Variants in BCR observed in about 807,000 individuals in gnomAD.
BCR encodes breakpoint cluster region protein.
BCR carries 58 observed loss-of-function variants against 138.6 expected under a neutral mutation model. The ratio of observed to expected loss-of-function variants is 0.42; its 90% CI spans 0.34 to 0.52. The LOEUF is 0.52. BCR is among the 20% of genes least tolerant of loss of function. BCR has a pLI of 0.06. For missense variants in BCR, 1,599 were observed against 1,727.2 expected (o/e 0.93, Z 1.32); for synonymous variants, 786 against 730.1 (o/e 1.08, Z -1.23).
intron 1 of BCR, among the ~76,000 whole-genome samples, chr22:23,193,786 G>A (rs1271090091): frequency 6.6e-6 from 1 of 152,230 alleles, no homozygotes; most frequent in Non-Finnish European, 1.5e-5. Flanking sequence ...TCTCACAGGG[G>A]TCCCTGTGGA....
At chr22:23,233,141 G>T (rs1044264270) in intron 1 of BCR, among the ~76,000 whole-genome samples, 4 of 152,190 alleles carry the variant, frequency 2.6e-5, no homozygotes, top group Non-Finnish European at 5.9e-5. Context: ...GGCATCTCCA[G>T]GCAGAGCCTA....
At chr22:23,306,544 G>C (rs1479406825) in intron 16 of BCR, among the ~76,000 whole-genome samples, 1 of 152,242 alleles carries the variant, frequency 6.6e-6, no homozygotes, top group African/African-American at 2.4e-5. Flanking sequence ...AGGAAGCTCA[G>C]CTTTTCTGGG....
chr22:23,252,847 C>T (rs1463513275), intron 1 of BCR, among the ~76,000 whole-genome samples: 1 of 152,204 alleles, frequency 6.6e-6, no homozygotes, highest in Non-Finnish European at 1.5e-5. Flanking sequence ...GTTTTTCCCA[C>T]ACCAAGCAGT....
intron 8 of BCR, among the ~76,000 whole-genome samples, chr22:23,277,496 C>T (rs1485919634): frequency 6.6e-6 from 1 of 152,124 alleles, no homozygotes; most frequent in Non-Finnish European, 1.5e-5. Context: ...TTTAGCTCCG[C>T]ACACTACCCC....
At chr22:23,225,480 C>T (rs1420664800) in intron 1 of BCR, among the ~76,000 whole-genome samples, 8 of 152,176 alleles carry the variant, frequency 5.3e-5, no homozygotes, top group Admixed American at 3.9e-4. Flanking sequence ...GGCTCTTGCA[C>T]GGGGACCTGG....
chr22:23,256,682 C>A (rs1318937449), intron 2 of BCR, among the ~76,000 whole-genome samples: 1 of 152,166 alleles, frequency 6.6e-6, no homozygotes, highest in East Asian at 1.9e-4. Context: ...CTGGGCTCCC[C>A]CAGATTAGGG....
chr22:23,199,315 C>A (rs576620327), intron 1 of BCR: 3 of 518,644 alleles, frequency 5.8e-6, no homozygotes, highest in African/African-American at 3.9e-5. Context: ...GACTGGGTCC[C>A]GCCATGCCTG....
rs201305382 is a variant in BCR at position 23,310,383 on chromosome 22, G to A, written c.3132G>A (p.Pro1044=). 673 of 1,447,964 alleles carry A rather than the reference G, an allele frequency of 4.6e-4. 1 individual carries two copies. The African/African-American group carries it at 6.3e-3, about 13-fold the overall frequency. The allele number at this position is 1,447,964 out of a possible 1,614,324, so 89.7% of individuals were successfully genotyped here. A position where few individuals can be genotyped will look rare whatever the true frequency, so the allele number is the denominator to read the frequency against. ...NSREFSLKRM[P]SRKQTGVFGV... ...GGGAGTTCAGCTTGAAGAGGATGCC[G>A]TCCCGAAAACAGACAGGGGTCTTCG... Residue 1044 remains proline, a synonymous_variant, in exon 18 of 23, where the codon CCG becomes CCA. Transcript: ENST00000305877.
chr22:23,291,792 C>T (rs140777062), intron 14 of BCR, among the ~76,000 whole-genome samples: 168 of 152,282 alleles, frequency 1.1e-3, no homozygotes, highest in African/African-American at 3.9e-3. Context: ...GCTCTCCCTC[C>T]GTTAAATGCC....
chr22:23,290,913 G>GT (rs2073778903), intron 14 of BCR: 1 of 167,022 alleles, frequency 6.0e-6, no homozygotes, highest in Non-Finnish European at 1.3e-5. Context: ...GTTGCACTGT[G>GT]TAAGTTTCTC....
At chr22:23,266,140 A>G (rs1488776073) in intron 4 of BCR, among the ~76,000 whole-genome samples, 1 of 151,826 alleles carries the variant, frequency 6.6e-6, no homozygotes, top group Non-Finnish European at 1.5e-5. Flanking sequence ...TCTGGAGTAC[A>G]GTGGTGCAGT....
chr22:23,190,744 C>T (rs1267274099), intron 1 of BCR, among the ~76,000 whole-genome samples: 4 of 152,092 alleles, frequency 2.6e-5, no homozygotes, highest in African/African-American at 9.6e-5. Context: ...GAGTGTGAGC[C>T]AAGCGTCATG....
rs1439693300 is a variant in BCR at position 23,268,345 on chromosome 22, C to A, written c.1753-63C>A. The A allele has an allele frequency of 6.5e-6, 9 of 1,374,162 alleles. No individual in the cohort carries two copies. In the African/African-American group the frequency reaches 1.2e-4, roughly 18 times the overall value. The allele number at this position is 1,374,162 out of a possible 1,614,324, so 85.1% of individuals were successfully genotyped here. Reference sequence around the variant, plus strand: ...CTGCAGAGCTGTGCACGGGAGCCTGCTCTTCAGAAAGATGGGGGAGCAGCA... The same window carrying A: ...CTGCAGAGCTGTGCACGGGAGCCTGATCTTCAGAAAGATGGGGGAGCAGCA... On this transcript the variant is annotated intron_variant, in intron 4 of 22. Coordinates refer to ENST00000305877, the MANE Select transcript of BCR (RefSeq NM_004327.4).
chr22:23,276,888 G>C lies in BCR; in HGVS notation c.2115+3114G>C, dbSNP rs564110594. ...TTGGGGACACCCTTTTGCTTCCCTG[G>C]GTGTCCGTGCTCTCTGAGGGCAATG... On this transcript the variant is annotated intron_variant, in intron 8 of 22. Transcript: ENST00000305877. 7.9e-5 allele frequency among the ~76,000 whole-genome samples: 12 copies of C among 152,354 alleles called. No individual in the cohort carries two copies. In the South Asian group the frequency reaches 2.3e-3, roughly 29 times the overall value.
intron 4 of BCR, among the ~76,000 whole-genome samples, chr22:23,266,539 G>A (rs1045330748): frequency 4.6e-5 from 7 of 152,004 alleles, no homozygotes; most frequent in Admixed American, 2.6e-4. Flanking sequence ...ATAGGCATGC[G>A]CCGTCACGCC....
intron 4 of BCR, among the ~76,000 whole-genome samples, chr22:23,267,368 C>T (rs1044214745): frequency 1.3e-5 from 2 of 152,128 alleles, no homozygotes; most frequent in Admixed American, 6.5e-5. Flanking sequence ...ACCCTTTCCT[C>T]GTACACTCTA....
At chr22:23,212,124 T>C (rs6003555) in intron 1 of BCR, among the ~76,000 whole-genome samples, 10,770 of 152,250 alleles carry the variant, frequency 0.071, 1,269 homozygotes, top group African/African-American at 0.24. Context: ...TTCTCCTCTT[T>C]CCGTTGCTGG....
intron 1 of BCR, among the ~76,000 whole-genome samples, chr22:23,216,713 GT>G (rs2072757430): frequency 1.3e-5 from 2 of 152,250 alleles, no homozygotes; most frequent in African/African-American, 4.8e-5. Flanking sequence ...ACTGTATTCA[GT>G]TTGTGGTTTG....
At chr22:23,273,213 T>C in intron 7 of BCR, 80 bp downstream of exon 7, 1 of 1,481,796 alleles carries the variant, frequency 6.7e-7, no homozygotes, top group African/African-American at 1.4e-5. Context: ...GAGACCTTTT[T>C]TTAGTTGTCA....
Sources: allele counts gnomAD v4.1 joint callset (sites outside exome capture counted in the v4.1 genomes callset), GRCh38; gene constraint gnomAD v4.1.1; transcripts MANE v1.5; gene names NCBI Gene and HGNC (gene_info 2026-07-23, HGNC 2026-07-21).